The following UBXN7 variants were observed in gnomAD, a reference collection of about 807,000 sequenced individuals.
The protein encoded by UBXN7 is UBX domain-containing protein 7.
In UBXN7, 9 loss-of-function variants were observed where a neutral mutation model predicts 58.0. The observed-to-expected ratio is 0.16, with a 90% CI of 0.09 to 0.27. The LOEUF is 0.27. Among genes scored for constraint, UBXN7 ranks in the 10% least tolerant of loss-of-function variants. The probability of loss-of-function intolerance (pLI) is 1.00; values close to 1 mark genes in which losing one functional copy is unlikely to be tolerated. For missense variants in UBXN7, 328 were observed against 599.6 expected, an observed-to-expected ratio of 0.55 and a Z score of 4.73; for synonymous variants, 208 against 205.0, an observed-to-expected ratio of 1.01 and a Z score of -0.12.
intron 7 of UBXN7, among the ~76,000 whole-genome samples, chr3:196,368,833 G>GT (rs374132453): frequency 1.3e-5 from 2 of 151,966 alleles, no homozygotes; most frequent in African/African-American, 4.8e-5. Context: ...GTCTTGTTTT[G>GT]TTTTTTTGAG....
At chr3:196,377,769 C>T (rs776867384) in intron 5 of UBXN7, among the ~76,000 whole-genome samples, 23 of 151,982 alleles carry the variant, frequency 1.5e-4, no homozygotes, top group Non-Finnish European at 2.1e-4. Context: ...TGGGCTCAAG[C>T]GATCCTCCTA....
rs139630226 is a variant in UBXN7 at position 196,378,412 on chromosome 3, C to T, written c.469-6370G>A. On this transcript the variant is annotated intron_variant, in intron 5 of 10. Transcript: ENST00000296328. ...AAATTTGTACCCTTATCAGCTCCTC[C>T]CTCTTCCATGCTGTTTATTTTTTTT... Among the ~76,000 whole-genome samples the T allele has an allele frequency of 4.2e-3, 639 of 152,302 alleles. 5 individuals are homozygous for T. The highest frequency in any genetic ancestry group is 0.014 in the African/African-American group (594 of 41,552).
At chr3:196,379,654 G>A (rs759846394) in intron 5 of UBXN7, among the ~76,000 whole-genome samples, 2 of 152,138 alleles carry the variant, frequency 1.3e-5, no homozygotes, top group East Asian at 1.9e-4. Context: ...TATGGCGAGC[G>A]CCATTCCTAA....
intron 1 of UBXN7, among the ~76,000 whole-genome samples, chr3:196,410,329 T>C (rs1730286692): frequency 6.6e-6 from 1 of 152,222 alleles, no homozygotes; most frequent in African/African-American, 2.4e-5. Context: ...TTACCCTTAC[T>C]GCAAGAAATG....
chr3:196,425,432 A>C (rs1473288866), intron 1 of UBXN7, among the ~76,000 whole-genome samples: 1 of 151,930 alleles, frequency 6.6e-6, no homozygotes, highest in African/African-American at 2.4e-5. Context: ...TTAATAAATA[A>C]AATTTTAATA....
intron 3 of UBXN7, among the ~76,000 whole-genome samples, chr3:196,398,203 T>C (rs1729837730): frequency 6.6e-6 from 1 of 152,236 alleles, no homozygotes; most frequent in African/African-American, 2.4e-5. Flanking sequence ...CCATTCAGGC[T>C]TTGAGATGAA....
chr3:196,382,961 A>G (rs1264046463), intron 5 of UBXN7, among the ~76,000 whole-genome samples: 5 of 151,940 alleles, frequency 3.3e-5, no homozygotes, highest in Admixed American at 3.3e-4. Context: ...TAAAAATACA[A>G]AAAAATTAGC....
intron 3 of UBXN7, among the ~76,000 whole-genome samples, chr3:196,398,647 A>G (rs1488062852): frequency 1.3e-5 from 2 of 152,238 alleles, no homozygotes; most frequent in East Asian, 3.9e-4. Flanking sequence ...GTAATTTATC[A>G]TTGTTTTTGA....
At chr3:196,363,245 T>C (rs1287454087) in intron 8 of UBXN7, among the ~76,000 whole-genome samples, 1 of 67,772 alleles carries the variant, frequency 1.5e-5, no homozygotes, top group Non-Finnish European at 3.3e-5. Flanking sequence ...CATACATACA[T>C]ACATAAATAT....
At chr3:196,388,457 A>G (rs1251699796) in intron 5 of UBXN7, among the ~76,000 whole-genome samples, 1 of 148,758 alleles carries the variant, frequency 6.7e-6, no homozygotes, top group East Asian at 2.2e-4. Context: ...TAAAAGAAAT[A>G]AATAAGCTAC....
chr3:196,393,623 T>C lies in UBXN7; in HGVS notation c.290-4A>G. ...GCAGGCCGTCGTCTTTTAGGAGCTT[T>C]GGGGAGAAAAAATAGAATTGAAAAT... On this transcript the variant is annotated splice_polypyrimidine_tract_variant and splice_region_variant and intron_variant, in intron 3 of 10. Transcript: ENST00000296328. 6.2e-7 allele frequency: 1 copy of C among 1,604,840 alleles called. No individual in the cohort carries two copies. Among genetic ancestry groups the C allele is most frequent in the Non-Finnish European group, 8.5e-7 (1 of 1,177,188 alleles).
chr3:196,357,393 C>T (rs751404659), intron 10 of UBXN7, among the ~76,000 whole-genome samples: 3 of 152,210 alleles, frequency 2.0e-5, no homozygotes, highest in Non-Finnish European at 4.4e-5. Flanking sequence ...CCACAGCAAA[C>T]GGCCAGCAAT....
At position 196,403,065 on chromosome 3, in the gene UBXN7, C is replaced by T. The variant is rs745576281; in HGVS notation, c.222-46G>A. On this transcript the variant is annotated intron_variant, in intron 2 of 10. Transcript: ENST00000296328. ...AATAAAAAATGAAAACTGTTTTCTG[C>T]TACCTGTTTGCTTTCTGTAAATACT... 7 of 1,537,594 alleles carry T rather than the reference C, an allele frequency of 4.6e-6. No homozygotes were observed. The Admixed American group carries it at 6.4e-5, about 14-fold the overall frequency.
chr3:196,406,212 T>C (rs949701524), intron 2 of UBXN7, among the ~76,000 whole-genome samples: 6 of 152,070 alleles, frequency 3.9e-5, no homozygotes, highest in African/African-American at 1.4e-4. Context: ...TTTGTATTTT[T>C]TGTAGAGACA....
At chr3:196,432,139 C>CGG (rs769329669) in intron 1 of UBXN7, 188 bp downstream of exon 1, 11 of 722,574 alleles carry the variant, frequency 1.5e-5, no homozygotes, top group South Asian at 4.8e-5. Context: ...GTATCGGGAG[C>CGG]GGGGGGGGGC....
At chr3:196,399,337 T>C (rs548739422) in intron 3 of UBXN7, among the ~76,000 whole-genome samples, 1 of 152,212 alleles carries the variant, frequency 6.6e-6, no homozygotes, top group South Asian at 2.1e-4. Flanking sequence ...GGGGTCTCAA[T>C]ACGTTGCCCA....
At chr3:196,378,598 G>A (rs565845727) in intron 5 of UBXN7, among the ~76,000 whole-genome samples, 31 of 152,330 alleles carry the variant, frequency 2.0e-4, no homozygotes, top group African/African-American at 7.2e-4. Flanking sequence ...AAAAGGTTGG[G>A]CAGTTCCGAG....
intron 1 of UBXN7, among the ~76,000 whole-genome samples, chr3:196,412,676 G>A (rs1302540588): frequency 6.6e-6 from 1 of 152,140 alleles, no homozygotes; most frequent in African/African-American, 2.4e-5. Flanking sequence ...AGCCACCCAA[G>A]TATACATCAA....
At chr3:196,410,426 A>G (rs370875838) in intron 1 of UBXN7, among the ~76,000 whole-genome samples, 2 of 152,092 alleles carry the variant, frequency 1.3e-5, no homozygotes, top group African/African-American at 4.8e-5. Context: ...ACTTACCTCA[A>G]TTACTTCAAT....
Sources: allele counts gnomAD v4.1 joint callset (sites outside exome capture counted in the v4.1 genomes callset), GRCh38; gene constraint gnomAD v4.1.1; transcripts MANE v1.5; gene names NCBI Gene and HGNC (gene_info 2026-07-23, HGNC 2026-07-21).